The following NTRK2 variants were observed in gnomAD, a reference collection of about 807,000 sequenced individuals.
NTRK2 encodes BDNF/NT-3 growth factors receptor.
NTRK2 carries 13 observed loss-of-function variants against 94.5 expected under a neutral mutation model. The observed-to-expected ratio is 0.14, with a 90% CI of 0.09 to 0.22. NTRK2 has a LOEUF of 0.22. Among genes scored for constraint, NTRK2 ranks in the 10% least tolerant of loss-of-function variants. The probability of loss-of-function intolerance (pLI) is 1.00; values close to 1 mark genes in which losing one functional copy is unlikely to be tolerated. For missense variants in NTRK2, 639 were observed against 1,071.2 expected (o/e 0.60, Z 5.63); for synonymous variants, 372 against 407.4 (o/e 0.91, Z 1.05).
chr9:84,673,071 T>C (rs968262524), intron 2 of NTRK2, among the ~76,000 whole-genome samples: 2 of 152,180 alleles, frequency 1.3e-5, no homozygotes, highest in Non-Finnish European at 2.9e-5. Context: ...GTTAGTAATA[T>C]TAGTCTGGCT....
chr9:84,942,386 T>C (rs1241399767), intron 15 of NTRK2, among the ~76,000 whole-genome samples: 1 of 152,236 alleles, frequency 6.6e-6, no homozygotes. Flanking sequence ...TGATCAAGGC[T>C]TGTTCTAAAT....
intron 17 of NTRK2, among the ~76,000 whole-genome samples, chr9:84,976,706 GGTA>G (rs904723400): frequency 5.9e-5 from 9 of 152,042 alleles, no homozygotes; most frequent in African/African-American, 2.2e-4. Flanking sequence ...GTTTGACAGA[GGTA>G]GCAAGGCCCT....
intron 17 of NTRK2, among the ~76,000 whole-genome samples, chr9:85,011,866 G>A (rs897974248): frequency 6.6e-6 from 1 of 151,948 alleles, no homozygotes; most frequent in Non-Finnish European, 1.5e-5. Flanking sequence ...CGCTTGGGTC[G>A]GTCCCTTGAG....
intron 15 of NTRK2, 70 bp downstream of exon 15, chr9:84,934,362 A>G: frequency 1.9e-6 from 3 of 1,572,372 alleles, no homozygotes; most frequent in South Asian, 2.2e-5. Flanking sequence ...ACTCTATTTT[A>G]TTATATTTTG....
chr9:84,806,622 C>T (rs1164472858), intron 12 of NTRK2, among the ~76,000 whole-genome samples: 1 of 151,814 alleles, frequency 6.6e-6, no homozygotes, highest in Non-Finnish European at 1.5e-5. Flanking sequence ...TGACCTTGGA[C>T]AATTCATATT....
At chr9:84,778,404 A>G (rs529754202) in intron 12 of NTRK2, among the ~76,000 whole-genome samples, 6 of 152,268 alleles carry the variant, frequency 3.9e-5, no homozygotes, top group Non-Finnish European at 8.8e-5. Context: ...TGTCACTGAT[A>G]TTTTTAGAGA....
chr9:84,836,929 G>A (rs923549381), intron 12 of NTRK2, among the ~76,000 whole-genome samples: 6 of 118,058 alleles, frequency 5.1e-5, no homozygotes, highest in African/African-American at 9.7e-5. Flanking sequence ...AGAGCTTGTC[G>A]TAGAGTATAA....
At chr9:84,993,043 C>G (rs1366410905) in intron 17 of NTRK2, among the ~76,000 whole-genome samples, 1 of 151,998 alleles carries the variant, frequency 6.6e-6, no homozygotes, top group African/African-American at 2.4e-5. Flanking sequence ...GGTATCCACT[C>G]CCTGTTTCTT....
chr9:84,744,764 G>C (rs2063919759), intron 10 of NTRK2, among the ~76,000 whole-genome samples: 2 of 152,170 alleles, frequency 1.3e-5, no homozygotes, highest in African/African-American at 4.8e-5. Flanking sequence ...AAAGGTCTGG[G>C]TTGAATAAAA....
intron 17 of NTRK2, among the ~76,000 whole-genome samples, chr9:84,981,113 C>G (rs1028414425): frequency 2.0e-5 from 3 of 152,194 alleles, no homozygotes; most frequent in African/African-American, 7.2e-5. Flanking sequence ...GTCAGTCTCT[C>G]TCTATTGCCC....
Position 85,019,492 on chromosome 9 carries a change from A to G in NTRK2, c.2173-714A>G, listed in dbSNP as rs78274937. ...GTCAAAGAAAGTTTTCTTTGCCTGT[A>G]CTAATGCGATTGCTATCTGATGCCC... is the stretch of plus-strand genomic sequence containing the variant. On this transcript the variant is annotated intron_variant, in intron 17 of 18. Coordinates refer to ENST00000277120, the MANE Select transcript of NTRK2 (RefSeq NM_006180.6). 8.4e-3 allele frequency among the ~76,000 whole-genome samples: 1,274 copies of G among 152,324 alleles called. 20 individuals carry two copies. Among genetic ancestry groups the G allele is most frequent in the African/African-American group, 0.03 (1,232 of 41,576 alleles).
At chr9:84,987,490 TTTC>T (rs1427558250) in intron 17 of NTRK2, among the ~76,000 whole-genome samples, 1 of 152,232 alleles carries the variant, frequency 6.6e-6, no homozygotes, top group East Asian at 1.9e-4. Context: ...TACTTTTCCT[TTTC>T]TTTATATTTC....
intron 17 of NTRK2, among the ~76,000 whole-genome samples, chr9:84,978,929 C>T (rs1160674037): frequency 6.6e-6 from 1 of 152,336 alleles, no homozygotes; most frequent in East Asian, 1.9e-4. Flanking sequence ...CATCTGTTTA[C>T]ACCATGGTTA....
intron 12 of NTRK2, among the ~76,000 whole-genome samples, chr9:84,847,565 A>G (rs192047195): frequency 7.0e-4 from 107 of 152,280 alleles, no homozygotes; most frequent in African/African-American, 2.5e-3. Flanking sequence ...TCTTGATGCT[A>G]TATCCTCCAG....
chr9:84,794,755 T>C (rs1013316493), intron 12 of NTRK2, among the ~76,000 whole-genome samples: 1 of 152,192 alleles, frequency 6.6e-6, no homozygotes, highest in African/African-American at 2.4e-5. Flanking sequence ...TTTGGGAGTC[T>C]AGGACAGAGG....
chr9:84,678,814 C>G (rs2059216546), intron 2 of NTRK2, among the ~76,000 whole-genome samples: 1 of 152,238 alleles, frequency 6.6e-6, no homozygotes, highest in Non-Finnish European at 1.5e-5. Context: ...CTTCAAAACC[C>G]TGCTGCTACC....
chr9:84,982,787 A>G (rs1312525312), intron 17 of NTRK2, among the ~76,000 whole-genome samples: 1 of 152,254 alleles, frequency 6.6e-6, no homozygotes, highest in Non-Finnish European at 1.5e-5. Flanking sequence ...ATAAATGTGT[A>G]TGCTTTGATT....
rs1383874140 is a variant in NTRK2, at chr9:84,926,235, TC to T, written c.1634-7926del. Reference sequence around the variant, plus strand: ...CTTTCTTTCTTTCTTTCTTTCTTTTTCTTTCCTTCTTTTTGAGATGGAGTTT... The same window carrying T: ...CTTTCTTTCTTTCTTTCTTTCTTTTTTTTCCTTCTTTTTGAGATGGAGTTT... On this transcript the variant is annotated intron_variant, in intron 14 of 18. Coordinates refer to ENST00000277120, the MANE Select transcript of NTRK2 (RefSeq NM_006180.6). Among the ~76,000 whole-genome samples, 61 of 149,042 alleles carry T rather than the reference TC, an allele frequency of 4.1e-4. 1 individual carries two copies. Among genetic ancestry groups the T allele is most frequent in the African/African-American group, 1.5e-3 (61 of 40,402 alleles).
chr9:84,898,479 G>GTTTC (rs56810834), intron 14 of NTRK2, among the ~76,000 whole-genome samples: 4,512 of 151,788 alleles, frequency 0.03, 228 homozygotes, highest in African/African-American at 0.1. Context: ...AGTGTTTTCA[G>GTTTC]TTTCTTTCTT....
Sources: gnomAD v4.1 joint callset for allele counts (sites outside exome capture counted in the v4.1 genomes callset) on GRCh38, gnomAD v4.1.1 for gene constraint, MANE v1.5 for transcripts, NCBI Gene and HGNC (gene_info 2026-07-23, HGNC 2026-07-21) for gene names.